Variants in PLCL2 observed in about 807,000 individuals in gnomAD.
PLCL2 encodes inactive phospholipase C-like protein 2.
PLCL2 carries 4 observed loss-of-function variants against 79.6 expected under a neutral mutation model. The observed-to-expected ratio is 0.05, with a 90% confidence interval of 0.02 to 0.11. The LOEUF is 0.11. Among genes scored for constraint, PLCL2 ranks in the 10% least tolerant of loss-of-function variants. The pLI, the probability that PLCL2 is intolerant of heterozygous loss-of-function variation, is 1.00. For synonymous variants in PLCL2, 484 were observed against 457.7 expected (o/e 1.06, Z -0.73); for missense variants, 895 against 1,291.0 (o/e 0.69, Z 4.70).
At chr3:16,928,879 T>C (rs999606772) in intron 1 of PLCL2, among the ~76,000 whole-genome samples, 2 of 152,150 alleles carry the variant, frequency 1.3e-5, no homozygotes, top group Non-Finnish European at 2.9e-5. Context: ...AATTTGCTTC[T>C]TGGAGGTTGT....
intron 1 of PLCL2, among the ~76,000 whole-genome samples, chr3:17,007,180 G>C (rs148580712): frequency 6.6e-6 from 1 of 152,074 alleles, no homozygotes; most frequent in Admixed American, 6.5e-5. Flanking sequence ...TCGGTCAGGC[G>C]TGGTGGCTCA....
Position 16,885,165 on chromosome 3 carries a change from C to G in PLCL2, c.126C>G (p.Leu42=). 1 of 534,262 alleles carries G rather than the reference C, an allele frequency of 1.9e-6. No individual in the cohort carries two copies. Among genetic ancestry groups the G allele is most frequent in the Non-Finnish European group, 3.3e-6 (1 of 299,552 alleles). 33.1% of individuals were successfully genotyped at this position (534,262 alleles called of 1,614,324 possible). ...AAGGCGGTGGCGGGGGAGGTCGCCT[C>G]GGCCACGGGCGGGCGCGCTATGACA... ...VGEGGGGGGR[L]GHGRARYDSG... Residue 42 remains leucine, a synonymous_variant, in exon 1 of 6, where the codon CTC becomes CTG. Transcript: ENST00000615277.
intron 1 of PLCL2, among the ~76,000 whole-genome samples, chr3:16,889,446 A>G (rs1339956727): frequency 1.3e-5 from 2 of 152,224 alleles, no homozygotes; most frequent in Non-Finnish European, 2.9e-5. Flanking sequence ...AGAAGTTGGC[A>G]GATAACATAG....
intron 4 of PLCL2, among the ~76,000 whole-genome samples, chr3:17,058,483 G>T (rs1390978027): frequency 6.6e-6 from 1 of 152,118 alleles, no homozygotes; most frequent in African/African-American, 2.4e-5. Flanking sequence ...TGGAAGGATG[G>T]AGCTGCTATT....
intron 1 of PLCL2, among the ~76,000 whole-genome samples, chr3:16,918,044 CT>C (rs780377281): frequency 6.6e-6 from 1 of 152,118 alleles, no homozygotes; most frequent in Non-Finnish European, 1.5e-5. Context: ...GAATATCCCC[CT>C]TTTTACCTAT....
intron 1 of PLCL2, among the ~76,000 whole-genome samples, chr3:16,953,135 G>A (rs2063668808): frequency 2.6e-5 from 4 of 152,038 alleles, no homozygotes; most frequent in Admixed American, 2.0e-4. Context: ...ATGAAAAACT[G>A]ACCAAGACAT....
At chr3:16,927,724 C>T (rs1453446821) in intron 1 of PLCL2, among the ~76,000 whole-genome samples, 4 of 152,068 alleles carry the variant, frequency 2.6e-5, no homozygotes. Flanking sequence ...CTGCCTGTTT[C>T]CCCCGCCCCC....
intron 4 of PLCL2, among the ~76,000 whole-genome samples, chr3:17,046,116 G>C (rs576284918): frequency 6.6e-6 from 1 of 152,282 alleles, no homozygotes; most frequent in Admixed American, 6.5e-5. Flanking sequence ...GGCCATGCAA[G>C]AATGGGTCTC....
intron 5 of PLCL2, among the ~76,000 whole-genome samples, chr3:17,071,936 C>T (rs2065064160): frequency 6.6e-6 from 1 of 151,966 alleles, no homozygotes; most frequent in South Asian, 2.1e-4. Context: ...AAGTGATTCT[C>T]CTGCCTCAGC....
intron 5 of PLCL2, among the ~76,000 whole-genome samples, chr3:17,081,031 G>A (rs2065157408): frequency 6.6e-6 from 1 of 152,194 alleles, no homozygotes. Context: ...AGTGTGATTT[G>A]CTGTTCAGAC....
At chr3:16,955,758 G>A (rs1220873864) in intron 1 of PLCL2, among the ~76,000 whole-genome samples, 1 of 152,120 alleles carries the variant, frequency 6.6e-6, no homozygotes, top group Non-Finnish European at 1.5e-5. Context: ...CTTGTAAGCT[G>A]GATTCCTAGG....
At chr3:17,003,827 A>G (rs2125003914) in intron 1 of PLCL2, among the ~76,000 whole-genome samples, 1 of 152,270 alleles carries the variant, frequency 6.6e-6, no homozygotes, top group African/African-American at 2.4e-5. Flanking sequence ...GCCTGGTTCC[A>G]GAGGTGGATG....
chr3:17,058,109 ATAGTTGAACCAGACTT>A (rs1299321279), intron 4 of PLCL2, among the ~76,000 whole-genome samples: 1 of 152,054 alleles, frequency 6.6e-6, no homozygotes, highest in Non-Finnish European at 1.5e-5. Context: ...GTCTGTGGGG[ATAGTTGAACCAGACTT>A]TAGGGCAGGA....
At chr3:16,976,163 G>A (rs1026505594) in intron 1 of PLCL2, among the ~76,000 whole-genome samples, 2 of 152,262 alleles carry the variant, frequency 1.3e-5, no homozygotes, top group East Asian at 3.9e-4. Context: ...ATTAGTCAGA[G>A]TTCTACAGAA....
At chr3:16,975,283 A>G (rs1020862090) in intron 1 of PLCL2, among the ~76,000 whole-genome samples, 3 of 152,160 alleles carry the variant, frequency 2.0e-5, no homozygotes, top group African/African-American at 7.2e-5. Context: ...TCCAAGTAAT[A>G]AGGGAGAGTG....
At position 17,014,785 on chromosome 3, in the gene PLCL2, T is replaced by C; in HGVS notation, c.2892T>C (p.Ser964=). The stretch of plus-strand genomic sequence containing the variant: ...TCATGCAGTGCATGTTGGCGGTGTC[T>C]CCCCGCTTTCTGGGGCCCGATAACA... ...ANLMQCMLAV[S]PRFLGPDNTP... is the part of the protein sequence containing the mutation. The change falls in exon 3 of 6, where the codon TCT becomes TCC. Residue 964 remains serine, a synonymous_variant. Coordinates refer to ENST00000615277, the MANE Select transcript of PLCL2 (RefSeq NM_001144382.2). 6.2e-7 allele frequency: 1 copy of C among 1,614,128 alleles called. No homozygotes were observed. The highest frequency in any genetic ancestry group is 8.5e-7 in the Non-Finnish European group (1 of 1,179,978).
intron 1 of PLCL2, among the ~76,000 whole-genome samples, chr3:16,932,350 A>G (rs1697423991): frequency 6.6e-6 from 1 of 152,162 alleles, no homozygotes; most frequent in African/African-American, 2.4e-5. Flanking sequence ...TAACATGCAT[A>G]TTATTTCATC....
intron 5 of PLCL2, among the ~76,000 whole-genome samples, chr3:17,073,610 T>C (rs2065082114): frequency 2.0e-5 from 3 of 152,176 alleles, no homozygotes; most frequent in African/African-American, 7.2e-5. Context: ...TTCAGTAGCA[T>C]TTTACCCACA....
At chr3:16,985,750 C>T (rs2064043565) in intron 1 of PLCL2, among the ~76,000 whole-genome samples, 1 of 152,118 alleles carries the variant, frequency 6.6e-6, no homozygotes, top group Non-Finnish European at 1.5e-5. Context: ...TAGTAGAAGG[C>T]ATAGGTGTAC....
Sources: gnomAD v4.1 joint callset for allele counts (sites outside exome capture counted in the v4.1 genomes callset) on GRCh38, gnomAD v4.1.1 for gene constraint, MANE v1.5 for transcripts, NCBI Gene and HGNC (gene_info 2026-07-23, HGNC 2026-07-21) for gene names.